Variants in RPS6KB1 observed in about 807,000 individuals in gnomAD.
RPS6KB1 encodes ribosomal protein S6 kinase beta-1.
RPS6KB1 carries 12 observed loss-of-function variants against 70.2 expected under a neutral mutation model. That is an observed-to-expected ratio of 0.17 (90% CI 0.11 to 0.28). The LOEUF (loss-of-function observed/expected upper bound fraction) is 0.28. Among genes scored for constraint, RPS6KB1 ranks in the 10% least tolerant of loss-of-function variants. The pLI is 1.00. For missense variants in RPS6KB1, 270 were observed against 646.6 expected (o/e 0.42, Z 6.32); for synonymous variants, 175 against 211.2 (o/e 0.83, Z 1.49).
Position 59,931,657 on chromosome 17 carries a change from A to G in RPS6KB1, c.623A>G (p.His208Arg). ...GCAGAAATCTCCATGGCTTTGGGGC[A>G]TTTACATCAAAAGGGGATCATCTAC... ...YLAEISMALG[H>R]LHQKGIIYRD... The change falls in exon 7 of 15, where the codon CAT becomes CGT. Residue 208 changes from histidine (H) to arginine (R), a missense_variant. His to Arg is a conservative substitution (Grantham distance 29). This residue lies in a region of RPS6KB1 where 21 missense variants were observed against 135.9 expected (regional missense o/e 0.15). Transcript: ENST00000225577. 2.5e-6 allele frequency: 4 copies of G among 1,613,712 alleles called. No individual in the cohort carries two copies. The highest frequency in any genetic ancestry group is 3.4e-6 in the Non-Finnish European group (4 of 1,179,642).
At chr17:59,919,123 A>G (rs2043126757) in intron 4 of RPS6KB1, among the ~76,000 whole-genome samples, 1 of 152,104 alleles carries the variant, frequency 6.6e-6, no homozygotes, top group African/African-American at 2.4e-5. Flanking sequence ...CTGATTATTC[A>G]TATTTAAGAG....
At chr17:59,899,653 A>C (rs2144674205) in intron 1 of RPS6KB1, among the ~76,000 whole-genome samples, 1 of 152,284 alleles carries the variant, frequency 6.6e-6, no homozygotes, top group East Asian at 1.9e-4. Flanking sequence ...TTTAACCATG[A>C]CCACCCCCAT....
intron 1 of RPS6KB1, among the ~76,000 whole-genome samples, chr17:59,899,913 C>T (rs1402352083): frequency 5.9e-5 from 9 of 151,728 alleles, no homozygotes; most frequent in African/African-American, 2.2e-4. Context: ...GCCTGTAATC[C>T]CAGAACTTTG....
intron 4 of RPS6KB1, among the ~76,000 whole-genome samples, chr17:59,926,026 A>G (rs560401771): frequency 6.6e-6 from 1 of 152,196 alleles, no homozygotes; most frequent in Admixed American, 6.5e-5. Context: ...ACCATCCTGC[A>G]CTTGCCTACA....
In RPS6KB1 at chr17:59,943,931, C is replaced by A. The variant is rs1324691109; in HGVS notation, c.1228-1475C>A. ...ACACATATATATATATACACACATA[C>A]ATACACACACACATATAGTGACATC... On this transcript the variant is annotated intron_variant, in intron 13 of 14. Coordinates refer to ENST00000225577, the MANE Select transcript of RPS6KB1 (RefSeq NM_003161.4). Among the ~76,000 whole-genome samples the A allele has an allele frequency of 2.2e-5, 3 of 138,394 alleles. No homozygotes were observed. In the South Asian group the frequency reaches 7.2e-4, roughly 33 times the overall value. 90.8% of individuals were successfully genotyped at this position (138,394 alleles called of 152,430 possible).
At chr17:59,908,017 C>T (rs916583348) in intron 1 of RPS6KB1, among the ~76,000 whole-genome samples, 17 of 151,908 alleles carry the variant, frequency 1.1e-4, no homozygotes, top group African/African-American at 4.1e-4. Flanking sequence ...TATTTTGTCT[C>T]GATCAGCCGC....
intron 5 of RPS6KB1, among the ~76,000 whole-genome samples, chr17:59,929,226 G>A (rs964735279): frequency 8.6e-5 from 13 of 151,900 alleles, no homozygotes; most frequent in Non-Finnish European, 1.3e-4. Context: ...CACCTCCCAG[G>A]TTCAAGTGAT....
In RPS6KB1 at chr17:59,901,173, G is replaced by A. The variant is rs534486836; in HGVS notation, c.141+7848G>A. On this transcript the variant is annotated intron_variant, in intron 1 of 14. Transcript: ENST00000225577. ...GAGACCTTGCATTTTTTTTTGAGAC[G>A]GAGTCTCGCTCTGTTGCCCAGGCTG... Among the ~76,000 whole-genome samples the A allele has an allele frequency of 5.4e-5, 8 of 148,606 alleles. No homozygotes were observed. The South Asian group carries it at 6.4e-4, about 12-fold the overall frequency.
chr17:59,904,854 A>C (rs945391679), intron 1 of RPS6KB1, among the ~76,000 whole-genome samples: 1 of 150,112 alleles, frequency 6.7e-6, no homozygotes, highest in Non-Finnish European at 1.5e-5. Context: ...TCGCCACCAT[A>C]TCCAGCTCAT....
At position 59,914,618 on chromosome 17, in the gene RPS6KB1, A is replaced by C; in HGVS notation, c.313-17A>C. The C allele has an allele frequency of 1.9e-6, 3 of 1,606,228 alleles. No homozygotes were observed. The highest frequency in any genetic ancestry group is 2.6e-6 in the Non-Finnish European group (3 of 1,173,676). On this transcript the variant is annotated splice_polypyrimidine_tract_variant and intron_variant, in intron 3 of 14. Coordinates refer to ENST00000225577, the MANE Select transcript of RPS6KB1 (RefSeq NM_003161.4). ...CATAGTTTGCCTTTGAATAACACAC[A>C]CTTTTTTTTAATCCAGGTTTTTCAA...
intron 4 of RPS6KB1, among the ~76,000 whole-genome samples, chr17:59,916,190 T>G (rs942440852): frequency 8.5e-5 from 13 of 152,108 alleles, no homozygotes; most frequent in African/African-American, 3.1e-4. Flanking sequence ...AACCTCCACC[T>G]CCCAGGTTAA....
chr17:59,902,651 G>A (rs1004092847), intron 1 of RPS6KB1, among the ~76,000 whole-genome samples: 3 of 149,448 alleles, frequency 2.0e-5, no homozygotes, highest in South Asian at 2.1e-4. Flanking sequence ...GAAAAAGCTC[G>A]CTGCAGCTTC....
chr17:59,923,423 A>G (rs2043397980), intron 4 of RPS6KB1, among the ~76,000 whole-genome samples: 2 of 152,168 alleles, frequency 1.3e-5, no homozygotes, highest in Non-Finnish European at 2.9e-5. Flanking sequence ...ACTCCTGGCC[A>G]ACATGGTGAT....
At chr17:59,936,574 A>C in intron 12 of RPS6KB1, 33 bp downstream of exon 12, 1 of 1,557,104 alleles carries the variant, frequency 6.4e-7, no homozygotes, top group Non-Finnish European at 8.9e-7. Flanking sequence ...AATTGGGTGC[A>C]GTGGCTCACG....
intron 1 of RPS6KB1, among the ~76,000 whole-genome samples, chr17:59,909,961 G>A (rs1248362875): frequency 5.3e-5 from 8 of 151,944 alleles, no homozygotes; most frequent in African/African-American, 1.7e-4. Flanking sequence ...GCAGTGAGCC[G>A]AGATGGCGCC....
rs1346066447 is a variant in RPS6KB1 at position 59,948,345 on chromosome 17, T to A, written c.*1557T>A. 10 of 152,626 alleles carry A rather than the reference T, an allele frequency of 6.6e-5. No homozygotes were observed. Among genetic ancestry groups the A allele is most frequent in the Non-Finnish European group, 1.2e-4 (8 of 68,034 alleles). 9.5% of individuals were successfully genotyped at this position (152,626 alleles called of 1,614,324 possible). ...CACCTTTTTTGTTTGTCTTTTATAA[T>A]GTCTTCAGTCTGAGTGTGCAAAGTC... On this transcript the variant is annotated 3_prime_UTR_variant, in exon 15 of 15. Transcript: ENST00000225577.
intron 1 of RPS6KB1, among the ~76,000 whole-genome samples, chr17:59,905,698 G>T (rs1205886634): frequency 6.6e-6 from 1 of 151,814 alleles, no homozygotes; most frequent in African/African-American, 2.4e-5. Flanking sequence ...TAGAGACGGG[G>T]TTTCACCACA....
Position 59,893,355 on chromosome 17 carries a change from G to A in RPS6KB1, c.141+30G>A. The stretch of plus-strand genomic sequence containing the variant: ...GGCCCGGGGTCCCCGGGGGCCCGAG[G>A]TGACAGGGCCGGGGCGGCGGCGCGG... On this transcript the variant is annotated intron_variant, in intron 1 of 14. Coordinates refer to ENST00000225577, the MANE Select transcript of RPS6KB1 (RefSeq NM_003161.4). This position sits in a 1 kb window ranked among gnomAD's most constrained non-coding sequence, Gnocchi z 4.1. 6.3e-7 allele frequency: 1 copy of A among 1,578,486 alleles called. No homozygotes were observed. Among genetic ancestry groups the A allele is most frequent in the Non-Finnish European group, 8.6e-7 (1 of 1,162,070 alleles).
intron 7 of RPS6KB1, among the ~76,000 whole-genome samples, chr17:59,932,392 A>T (rs2043974662): frequency 6.6e-6 from 1 of 152,180 alleles, no homozygotes; most frequent in Non-Finnish European, 1.5e-5. Flanking sequence ...AGCCTGAGTG[A>T]AAAGAGCGAG....
Sources: allele counts gnomAD v4.1 joint callset (sites outside exome capture counted in the v4.1 genomes callset), GRCh38; gene constraint gnomAD v4.1.1; regional missense constraint gnomAD v4.1.1; non-coding constraint Gnocchi (gnomAD v3.1); transcripts MANE v1.5; gene names NCBI Gene and HGNC (gene_info 2026-07-23, HGNC 2026-07-21).